The following EVC2 variants were observed in gnomAD, a reference collection of about 807,000 sequenced individuals.
EVC2 encodes EvC ciliary complex subunit 2, also known as limbin.
In EVC2, 148 loss-of-function variants were observed where a neutral mutation model predicts 149.3. The ratio of observed to expected loss-of-function variants is 0.99; its 90% CI spans 0.87 to 1.14. EVC2 has a LOEUF of 1.14. Among genes scored for constraint, EVC2 ranks in the 50% most tolerant of loss-of-function variants. EVC2 has a pLI of 0.00. For missense variants in EVC2, 1,854 were observed against 1,627.3 expected, an observed-to-expected ratio of 1.14 and a Z score of -2.40; for synonymous variants, 776 against 649.9, an observed-to-expected ratio of 1.19 and a Z score of -2.95.
At chr4:5,672,220 G>A (rs919081140) in intron 7 of EVC2, among the ~76,000 whole-genome samples, 2 of 152,178 alleles carry the variant, frequency 1.3e-5, no homozygotes, top group African/African-American at 2.4e-5. Context: ...AGAGGAGAAC[G>A]AGCTGGGCCA....
Position 5,663,171 on chromosome 4 carries a change from T to C in EVC2, c.1081A>G (p.Asn361Asp). Residue 361 changes from asparagine to aspartate, a missense_variant, in exon 9 of 22, where the codon AAC becomes GAC. By Grantham distance (23) the Asn-to-Asp change is conservative. Coordinates refer to ENST00000344408, the MANE Select transcript of EVC2 (RefSeq NM_147127.5). ...ADGVNEDLSL[N>D]DQMIDILSSE... Reference sequence around the variant, plus strand: ...GACAGAATGTCTATCATTTGGTCGTTAAGGGAAAGGTCCTCATTCACGCCA... The same window carrying C: ...GACAGAATGTCTATCATTTGGTCGTCAAGGGAAAGGTCCTCATTCACGCCA... The C allele has an allele frequency of 9.9e-6, 16 of 1,614,170 alleles. No homozygotes were observed. The highest frequency in any genetic ancestry group is 1.3e-5 in the Non-Finnish European group (15 of 1,180,028).
upstream of EVC2, chr4:5,708,584 C>A (rs1386416604): frequency 8.8e-7 from 1 of 1,139,532 alleles, no homozygotes; most frequent in Non-Finnish European, 1.2e-6. Context: ...ACCCCAGGCC[C>A]GCCCCGCCGC....
chr4:5,583,160 T>C (rs897864787), intron 17 of EVC2, among the ~76,000 whole-genome samples: 1 of 152,258 alleles, frequency 6.6e-6, no homozygotes, highest in East Asian at 1.9e-4. Context: ...GTGAATTTTG[T>C]AAATGGATGT....
In EVC2 at chr4:5,665,639, T is replaced by A; in HGVS notation, c.881A>T (p.His294Leu). Reference protein sequence around the residue: ...TAEENVTVLPHHGLHAAGFFI... With the variant: ...TAEENVTVLPLHGLHAAGFFI... The stretch of plus-strand genomic sequence containing the variant: ...GAACCCTGCTGCGTGGAGGCCGTGG[T>A]GCGGCAGAACCTGTGGAGACAAGAG... The change falls in exon 8 of 22, where the codon CAC (histidine) becomes CTC (leucine). Residue 294 changes from histidine (H) to leucine (L), a missense_variant. His to Leu is a moderately conservative substitution (Grantham distance 99). Coordinates refer to ENST00000344408, the MANE Select transcript of EVC2 (RefSeq NM_147127.5). 6.2e-7 allele frequency: 1 copy of A among 1,614,088 alleles called. No individual in the cohort carries two copies.
At chr4:5,607,654 T>C (rs967568111) in intron 16 of EVC2, among the ~76,000 whole-genome samples, 6 of 152,128 alleles carry the variant, frequency 3.9e-5, no homozygotes, top group African/African-American at 1.4e-4. Context: ...CCTCCAAGAA[T>C]CAGTCATACA....
intron 16 of EVC2, among the ~76,000 whole-genome samples, chr4:5,611,701 C>A (rs142287999): frequency 6.6e-6 from 1 of 151,752 alleles, no homozygotes; most frequent in East Asian, 1.9e-4. Context: ...GAGAAAAAAA[C>A]TAAAAGGCAA....
At chr4:5,594,354 G>C (rs59697691) in intron 16 of EVC2, among the ~76,000 whole-genome samples, 1 of 152,016 alleles carries the variant, frequency 6.6e-6, no homozygotes, top group Non-Finnish European at 1.5e-5. Context: ...TCACACGGCC[G>C]GGTACTCCTC....
chr4:5,604,960 C>G (rs1269037441), intron 16 of EVC2, among the ~76,000 whole-genome samples: 1 of 151,840 alleles, frequency 6.6e-6, no homozygotes, highest in Non-Finnish European at 1.5e-5. Context: ...ACTCCTCCTC[C>G]TCCTCAGCCT....
rs535395691 is a variant in EVC2 at position 5,591,374 on chromosome 4, T to G, written c.2830-6524A>C. Among the ~76,000 whole-genome samples the G allele has an allele frequency of 4.6e-5, 7 of 152,324 alleles. No individual in the cohort carries two copies. The South Asian group carries it at 1.0e-3, about 23-fold the overall frequency. On this transcript the variant is annotated intron_variant, in intron 16 of 21. Coordinates refer to ENST00000344408, the MANE Select transcript of EVC2 (RefSeq NM_147127.5). ...CTTCCCAAATTTATGAACATCATCATGCTTCAGCTGACAGAAGTCTTCCTT... is the reference window on the plus strand; with the variant it reads ...CTTCCCAAATTTATGAACATCATCAGGCTTCAGCTGACAGAAGTCTTCCTT...
At chr4:5,672,701 T>C (rs994179455) in intron 7 of EVC2, among the ~76,000 whole-genome samples, 4 of 152,214 alleles carry the variant, frequency 2.6e-5, no homozygotes, top group Non-Finnish European at 5.9e-5. Context: ...AAAACAGGTA[T>C]TCGAACAAAA....
At chr4:5,674,115 G>C (rs369549140) in intron 7 of EVC2, among the ~76,000 whole-genome samples, 14 of 152,240 alleles carry the variant, frequency 9.2e-5, no homozygotes, top group African/African-American at 3.1e-4. Flanking sequence ...AGAAACAGAG[G>C]GGTGAGTGGC....
chr4:5,683,861 A>AACAC (rs1353551386), intron 6 of EVC2, among the ~76,000 whole-genome samples: 3 of 149,680 alleles, frequency 2.0e-5, no homozygotes, highest in South Asian at 4.3e-4. Context: ...GCTGCCCAGG[A>AACAC]ACACGCACAG....
In EVC2 at chr4:5,569,664, A is replaced by G. The variant is rs189361333; in HGVS notation, c.3361-1024T>C. ...GCAGGGGCAGGCAGGGGTGGGAGGG[A>G]ACAAGTCCAGGTGCCGGAAGCCAAG... On this transcript the variant is annotated intron_variant, in intron 19 of 21. Coordinates refer to ENST00000344408, the MANE Select transcript of EVC2 (RefSeq NM_147127.5). This position sits in a 1 kb window ranked among gnomAD's most constrained non-coding sequence, Gnocchi z 4.8. 6.6e-6 allele frequency among the ~76,000 whole-genome samples: 1 copy of G among 151,910 alleles called. No homozygotes were observed. Among genetic ancestry groups the G allele is most frequent in the Non-Finnish European group, 1.5e-5 (1 of 67,944 alleles).
intron 1 of EVC2, 98 bp from the exon 2 acceptor site, chr4:5,697,745 A>AG (rs1721573318): frequency 1.9e-6 from 2 of 1,047,502 alleles, no homozygotes; most frequent in Non-Finnish European, 2.8e-6. Flanking sequence ...GAGGACATGC[A>AG]CTTTTTTTTT....
chr4:5,618,579 G>A lies in EVC2; in HGVS notation c.2605C>T (p.Pro869Ser), dbSNP rs1285441781. 1.2e-6 allele frequency: 2 copies of A among 1,614,034 alleles called. No homozygotes were observed. The highest frequency in any genetic ancestry group is 1.7e-6 in the Non-Finnish European group (2 of 1,180,034). The stretch of plus-strand genomic sequence containing the variant: ...AGCAGAACTCGGGCCCGGATCTTGG[G>A]GAGGGCCAAGCTCCTGTCCATCTGA... ...FAQMDRSLAL[P>S]KIRARVLLQQ... The change falls in exon 15 of 22, where the codon CCC (proline) becomes TCC (serine). Residue 869 changes from proline to serine, a missense_variant. Transcript: ENST00000344408. The surrounding 1 kb of genome is among the most constrained non-coding windows in gnomAD (Gnocchi z 4.4).
At chr4:5,635,380 A>G (rs575220442) in intron 10 of EVC2, among the ~76,000 whole-genome samples, 2 of 152,276 alleles carry the variant, frequency 1.3e-5, no homozygotes, top group Admixed American at 6.5e-5. Flanking sequence ...CCAACCCACT[A>G]TTGAACTTCT....
intron 2 of EVC2, among the ~76,000 whole-genome samples, chr4:5,695,649 T>A (rs150106006): frequency 6.6e-6 from 1 of 152,234 alleles, no homozygotes; most frequent in Non-Finnish European, 1.5e-5. Flanking sequence ...ACACTGCACA[T>A]GAAAGTGCTT....
At chr4:5,552,177 T>C (rs1478085725) in intron 21 of EVC2, among the ~76,000 whole-genome samples, 5 of 152,218 alleles carry the variant, frequency 3.3e-5, no homozygotes, top group African/African-American at 1.2e-4. Context: ...TTTTACATAC[T>C]GACCTTCTAC....
intron 10 of EVC2, among the ~76,000 whole-genome samples, chr4:5,638,949 T>C (rs1717103825): frequency 6.6e-6 from 1 of 152,182 alleles, no homozygotes; most frequent in Non-Finnish European, 1.5e-5. Context: ...TCTGTTGTTT[T>C]AAGCCACTAA....
Sources: allele counts gnomAD v4.1 joint callset (sites outside exome capture counted in the v4.1 genomes callset), GRCh38; gene constraint gnomAD v4.1.1; non-coding constraint Gnocchi (gnomAD v3.1); transcripts MANE v1.5; gene names NCBI Gene and HGNC (gene_info 2026-07-23, HGNC 2026-07-21).